Variants in CNTNAP5 observed in about 807,000 individuals in gnomAD.
CNTNAP5 encodes contactin associated protein family member 5, also known as contactin-associated protein-like 5.
In CNTNAP5, 72 loss-of-function variants were observed where a neutral mutation model predicts 150.2. The observed-to-expected ratio is 0.48, with a 90% CI of 0.40 to 0.58. The LOEUF is 0.58. CNTNAP5 is among the 20% of genes least tolerant of loss of function. The probability of loss-of-function intolerance (pLI) is 0.00; values close to 1 mark genes in which losing one functional copy is unlikely to be tolerated. For missense variants in CNTNAP5, 1,636 were observed against 1,626.2 expected, an observed-to-expected ratio of 1.01 and a Z score of -0.10; for synonymous variants, 672 against 619.8, an observed-to-expected ratio of 1.08 and a Z score of -1.25.
At chr2:124,836,530 A>G (rs1198301876) in intron 19 of CNTNAP5, among the ~76,000 whole-genome samples, 1 of 152,004 alleles carries the variant, frequency 6.6e-6, no homozygotes, top group Non-Finnish European at 1.5e-5. Flanking sequence ...GATTCCTGGG[A>G]CACTTACTCA....
At chr2:124,167,882 A>T (rs1156229873) in intron 1 of CNTNAP5, among the ~76,000 whole-genome samples, 1 of 152,192 alleles carries the variant, frequency 6.6e-6, no homozygotes, top group Non-Finnish European at 1.5e-5. Context: ...AGCCAAACCA[A>T]AATAAAGAAA....
At chr2:124,905,496 C>T (rs962008936) in intron 22 of CNTNAP5, among the ~76,000 whole-genome samples, 18 of 152,146 alleles carry the variant, frequency 1.2e-4, no homozygotes, top group African/African-American at 4.1e-4. Flanking sequence ...TTCTCTGCTT[C>T]ACTACCCTCT....
intron 7 of CNTNAP5, among the ~76,000 whole-genome samples, chr2:124,478,137 A>T (rs570758374): frequency 6.6e-6 from 1 of 152,104 alleles, no homozygotes; most frequent in Non-Finnish European, 1.5e-5. Context: ...GAAGATAAAA[A>T]GGAACAAGAG....
intron 6 of CNTNAP5, among the ~76,000 whole-genome samples, chr2:124,456,276 T>C (rs1289723578): frequency 6.6e-6 from 1 of 152,042 alleles, no homozygotes; most frequent in Non-Finnish European, 1.5e-5. Context: ...ACGCTGAGAA[T>C]GAAATCAAGA....
At chr2:124,084,924 G>GTTCTTTTTTTTT (rs1682646066) in intron 1 of CNTNAP5, among the ~76,000 whole-genome samples, 1 of 89,980 alleles carries the variant, frequency 1.1e-5, no homozygotes, top group Non-Finnish European at 2.0e-5. Context: ...CAAGTTTCCT[G>GTTCTTTTTTTTT]TTTTTTTTTT....
chr2:124,588,220 CTTTCTTTCTTTCTTTCTTCT>C (rs1696598996), intron 11 of CNTNAP5, among the ~76,000 whole-genome samples: 4 of 117,408 alleles, frequency 3.4e-5, no homozygotes, highest in African/African-American at 3.1e-5. Flanking sequence ...TTCTTTCTTT[CTTTCTTTCTTTCTTTCTTCT>C]TTCTTTATTT....
intron 1 of CNTNAP5, among the ~76,000 whole-genome samples, chr2:124,125,069 C>T (rs1437950133): frequency 1.3e-5 from 2 of 152,132 alleles, no homozygotes; most frequent in South Asian, 2.1e-4. Context: ...ACAATATTAA[C>T]CTTACATGTA....
chr2:124,868,575 T>G (rs896520471), intron 20 of CNTNAP5, among the ~76,000 whole-genome samples: 2 of 152,156 alleles, frequency 1.3e-5, no homozygotes, highest in Non-Finnish European at 2.9e-5. Flanking sequence ...ACACCCCCCC[T>G]TATTCTTGCC....
chr2:124,698,904 G>T (rs1465228800), intron 13 of CNTNAP5, among the ~76,000 whole-genome samples: 1 of 152,136 alleles, frequency 6.6e-6, no homozygotes, highest in Non-Finnish European at 1.5e-5. Flanking sequence ...CAGTGTCTCT[G>T]CCTCTGATCC....
At chr2:124,623,446 A>G (rs868263496) in intron 12 of CNTNAP5, among the ~76,000 whole-genome samples, 5 of 152,200 alleles carry the variant, frequency 3.3e-5, no homozygotes, top group Non-Finnish European at 5.9e-5. Flanking sequence ...CTCTTAGAAC[A>G]GTGCCCATAA....
intron 13 of CNTNAP5, among the ~76,000 whole-genome samples, chr2:124,703,189 T>C (rs1318951118): frequency 2.0e-5 from 3 of 147,032 alleles, no homozygotes; most frequent in Non-Finnish European, 4.5e-5. Context: ...CTCCTCTCCT[T>C]CTTTCCTTCC....
intron 1 of CNTNAP5, among the ~76,000 whole-genome samples, chr2:124,203,032 C>T (rs1685767658): frequency 6.6e-6 from 1 of 152,110 alleles, no homozygotes; most frequent in African/African-American, 2.4e-5. Context: ...AGTCCAAAGT[C>T]TCATCTGAGA....
At chr2:124,506,706 A>G (rs1694414561) in intron 8 of CNTNAP5, among the ~76,000 whole-genome samples, 1 of 152,202 alleles carries the variant, frequency 6.6e-6, no homozygotes, top group South Asian at 2.1e-4. Flanking sequence ...CTATAGTTGC[A>G]TATCAAGTGA....
At chr2:124,422,302 T>C (rs1692124443) in intron 4 of CNTNAP5, among the ~76,000 whole-genome samples, 1 of 152,202 alleles carries the variant, frequency 6.6e-6, no homozygotes, top group African/African-American at 2.4e-5. Flanking sequence ...CAGACTTAAC[T>C]CTCTACATTT....
intron 3 of CNTNAP5, among the ~76,000 whole-genome samples, chr2:124,413,183 A>G (rs1167655127): frequency 7.1e-6 from 1 of 140,554 alleles, no homozygotes; most frequent in Non-Finnish European, 1.6e-5. Context: ...ACAATGAGAT[A>G]CCATCTCACA....
At chr2:124,866,452 G>A (rs1020671461) in intron 20 of CNTNAP5, among the ~76,000 whole-genome samples, 2 of 152,146 alleles carry the variant, frequency 1.3e-5, no homozygotes, top group Non-Finnish European at 2.9e-5. Context: ...GGGAAGGCAT[G>A]TGGTGGAAGC....
chr2:124,716,313 G>A (rs1032772271), intron 13 of CNTNAP5, among the ~76,000 whole-genome samples: 14 of 151,916 alleles, frequency 9.2e-5, no homozygotes, highest in African/African-American at 3.4e-4. Context: ...AGGAAGCTGA[G>A]GACTGTTTAA....
intron 5 of CNTNAP5, among the ~76,000 whole-genome samples, chr2:124,436,295 ATGT>A (rs574122823): frequency 6.6e-6 from 1 of 152,240 alleles, no homozygotes; most frequent in South Asian, 2.1e-4. Flanking sequence ...ACAAAATCTA[ATGT>A]TGTAAACCAG....
At chr2:124,450,652 C>A (rs1692946611) in intron 6 of CNTNAP5, among the ~76,000 whole-genome samples, 1 of 150,882 alleles carries the variant, frequency 6.6e-6, no homozygotes, top group Non-Finnish European at 1.5e-5. Flanking sequence ...CATGTGACTT[C>A]TCCAAACGCT....
Sources: allele counts gnomAD v4.1 joint callset (sites outside exome capture counted in the v4.1 genomes callset), GRCh38; gene constraint gnomAD v4.1.1; transcripts MANE v1.5; gene names NCBI Gene and HGNC (gene_info 2026-07-23, HGNC 2026-07-21).